The following NXPH1 variants were observed in gnomAD, a reference collection of about 807,000 sequenced individuals.
The protein encoded by NXPH1 is neurexophilin 1.
Under a neutral mutation model 23.7 loss-of-function variants are expected in NXPH1, and 5 were observed. The ratio of observed to expected loss-of-function variants is 0.21; its 90% CI spans 0.11 to 0.44. The LOEUF (loss-of-function observed/expected upper bound fraction) is 0.44, where lower values mean the gene tolerates loss of function less well. NXPH1 is among the 20% of genes least tolerant of loss of function. NXPH1 has a pLI of 0.99. For missense variants in NXPH1, 324 were observed against 321.6 expected (o/e 1.01, Z -0.06); for synonymous variants, 144 against 122.2 (o/e 1.18, Z -1.18).
At chr7:8,712,506 C>T (rs945808632) in intron 2 of NXPH1, among the ~76,000 whole-genome samples, 1 of 152,062 alleles carries the variant, frequency 6.6e-6, no homozygotes, top group African/African-American at 2.4e-5. Flanking sequence ...CTTGGGAATA[C>T]AAAAAGAACT....
At chr7:8,437,905 A>G (rs763558150) in intron 2 of NXPH1, among the ~76,000 whole-genome samples, 1 of 152,272 alleles carries the variant, frequency 6.6e-6, no homozygotes, top group Non-Finnish European at 1.5e-5. Flanking sequence ...GTGAACAATA[A>G]AATAGAGAAG....
At chr7:8,694,533 A>G (rs1012884870) in intron 2 of NXPH1, among the ~76,000 whole-genome samples, 55 of 152,216 alleles carry the variant, frequency 3.6e-4, no homozygotes, top group African/African-American at 1.3e-3. Flanking sequence ...TTGGAAAACT[A>G]TGAAACTTTG....
At chr7:8,572,848 G>A (rs1046575397) in intron 2 of NXPH1, among the ~76,000 whole-genome samples, 2 of 151,750 alleles carry the variant, frequency 1.3e-5, no homozygotes, top group Non-Finnish European at 2.9e-5. Flanking sequence ...GAGAAATAAG[G>A]AATTACTTCC....
intron 2 of NXPH1, among the ~76,000 whole-genome samples, chr7:8,465,656 C>A (rs940532435): frequency 6.6e-6 from 1 of 152,232 alleles, no homozygotes; most frequent in African/African-American, 2.4e-5. Context: ...CATTCTGCTG[C>A]TGACACTCTG....
In NXPH1 at chr7:8,658,323, T is replaced by C. The variant is rs545536072; in HGVS notation, c.55-92685T>C. Reference sequence around the variant, plus strand: ...ACTTGCCCTGGTGTCTAATTTATGTTAAGTGCTCAACGAGTGTTTGATTAG... The same window carrying C: ...ACTTGCCCTGGTGTCTAATTTATGTCAAGTGCTCAACGAGTGTTTGATTAG... On this transcript the variant is annotated intron_variant, in intron 2 of 2. Coordinates refer to ENST00000405863, the MANE Select transcript of NXPH1 (RefSeq NM_152745.3). Among the ~76,000 whole-genome samples the C allele has an allele frequency of 1.1e-3, 160 of 152,378 alleles. 1 individual carries two copies. The highest frequency in any genetic ancestry group is 1.9e-3 in the Non-Finnish European group (127 of 68,026).
intron 2 of NXPH1, among the ~76,000 whole-genome samples, chr7:8,499,783 A>G (rs753558702): frequency 1.3e-5 from 2 of 151,972 alleles, no homozygotes; most frequent in Non-Finnish European, 2.9e-5. Flanking sequence ...ATAGTTGCAC[A>G]CTTCTGAGCA....
chr7:8,704,196 A>G (rs1779670106), intron 2 of NXPH1, among the ~76,000 whole-genome samples: 1 of 152,028 alleles, frequency 6.6e-6, no homozygotes, highest in Admixed American at 6.6e-5. Context: ...GGTTGTAAAA[A>G]TTTATCTGGT....
chr7:8,617,008 C>T (rs531324340), intron 2 of NXPH1, among the ~76,000 whole-genome samples: 7 of 152,022 alleles, frequency 4.6e-5, no homozygotes, highest in African/African-American at 1.4e-4. Context: ...AAGAAAGGAG[C>T]GGATTGTTTG....
intron 2 of NXPH1, among the ~76,000 whole-genome samples, chr7:8,532,200 G>C (rs1228358471): frequency 6.6e-6 from 1 of 151,926 alleles, no homozygotes; most frequent in African/African-American, 2.4e-5. Context: ...TGCTTTATAG[G>C]CTTTAAAAAA....
At chr7:8,691,171 G>A (rs1447059544) in intron 2 of NXPH1, among the ~76,000 whole-genome samples, 1 of 151,940 alleles carries the variant, frequency 6.6e-6, no homozygotes, top group East Asian at 1.9e-4. Flanking sequence ...TTGAGATGGA[G>A]TTTTACTCTT....
chr7:8,650,655 C>G (rs1820476145), intron 2 of NXPH1, among the ~76,000 whole-genome samples: 1 of 152,140 alleles, frequency 6.6e-6, no homozygotes, highest in Non-Finnish European at 1.5e-5. Flanking sequence ...ATCATGTGGC[C>G]TCTTGCTCAG....
intron 2 of NXPH1, among the ~76,000 whole-genome samples, chr7:8,621,354 A>C (rs372890205): frequency 6.6e-6 from 1 of 152,202 alleles, no homozygotes; most frequent in East Asian, 1.9e-4. Flanking sequence ...TGACTCAACA[A>C]GATGGGTTGC....
chr7:8,570,497 T>G (rs768320264), intron 2 of NXPH1, among the ~76,000 whole-genome samples: 2 of 152,048 alleles, frequency 1.3e-5, no homozygotes, highest in Non-Finnish European at 2.9e-5. Flanking sequence ...CCTTGTATAC[T>G]ATAGTAATCA....
chr7:8,617,319 A>G (rs1819765806), intron 2 of NXPH1, among the ~76,000 whole-genome samples: 1 of 152,120 alleles, frequency 6.6e-6, no homozygotes, highest in African/African-American at 2.4e-5. Context: ...CCTATAAAAG[A>G]AAGGAAATCA....
intron 2 of NXPH1, among the ~76,000 whole-genome samples, chr7:8,694,853 AAG>A (rs1254002412): frequency 6.6e-6 from 1 of 152,220 alleles, no homozygotes; most frequent in African/African-American, 2.4e-5. Flanking sequence ...AGAAAATGAG[AAG>A]AGAGTAAAAA....
intron 2 of NXPH1, among the ~76,000 whole-genome samples, chr7:8,683,506 A>G (rs1189666373): frequency 6.6e-6 from 1 of 152,218 alleles, no homozygotes. Context: ...AGATTACTGC[A>G]GTACTACAGT....
chr7:8,751,706 G>A lies in NXPH1; in HGVS notation c.753G>A (p.Leu251=). ...YISFYSTDYK[L]VQKVCPDYNY... ...CCTTTTATAGTACAGATTATAAACT[G>A]GTACAGAAAGTGTGCCCTGACTACA... The change falls in exon 3 of 3, where the codon CTG becomes CTA. Residue 251 remains leucine (L), a synonymous_variant. Transcript: ENST00000405863. The surrounding 1 kb of genome is among the most constrained non-coding windows in gnomAD (Gnocchi z 4.5). 6.2e-7 allele frequency: 1 copy of A among 1,612,698 alleles called. No individual in the cohort carries two copies. Among genetic ancestry groups the A allele is most frequent in the South Asian group, 1.1e-5 (1 of 90,842 alleles).
intron 2 of NXPH1, among the ~76,000 whole-genome samples, chr7:8,487,440 A>G (rs1187603576): frequency 6.6e-6 from 1 of 152,100 alleles, no homozygotes; most frequent in Non-Finnish European, 1.5e-5. Flanking sequence ...CTTGATTGTG[A>G]GGCCTCTCCA....
At chr7:8,537,148 T>C (rs1300191611) in intron 2 of NXPH1, among the ~76,000 whole-genome samples, 2 of 151,850 alleles carry the variant, frequency 1.3e-5, no homozygotes, top group African/African-American at 2.4e-5. Context: ...ATTTCTGGAG[T>C]CTCTCAATTA....
Sources: gnomAD v4.1 joint callset for allele counts (sites outside exome capture counted in the v4.1 genomes callset) on GRCh38, gnomAD v4.1.1 for gene constraint, Gnocchi (gnomAD v3.1) non-coding constraint, MANE v1.5 for transcripts, NCBI Gene and HGNC (gene_info 2026-07-23, HGNC 2026-07-21) for gene names.